ENTHD1: variants seen among roughly 807,000 people sequenced by gnomAD.
ENTHD1 encodes the protein ENTH domain containing 1, also known as ENTH domain-containing protein 1.
Under a neutral mutation model 39.1 loss-of-function variants are expected in ENTHD1, and 23 were observed. The observed-to-expected ratio is 0.59, with a 90% CI of 0.42 to 0.83. ENTHD1 has a LOEUF of 0.83. Among genes scored for constraint, ENTHD1 ranks in the 40% least tolerant of loss-of-function variants. The pLI is 0.00. For synonymous variants in ENTHD1, 230 were observed against 258.2 expected (o/e 0.89, Z 1.05); for missense variants, 624 against 705.4 (o/e 0.88, Z 1.31).
At chr22:39,745,747 C>T (rs1008119297) in intron 6 of ENTHD1, among the ~76,000 whole-genome samples, 1 of 152,144 alleles carries the variant, frequency 6.6e-6, no homozygotes, top group African/African-American at 2.4e-5. Context: ...GTTTTGAGAA[C>T]CTGCATGTCT....
intron 5 of ENTHD1, among the ~76,000 whole-genome samples, chr22:39,819,289 C>T (rs947711497): frequency 2.7e-4 from 41 of 151,806 alleles, no homozygotes; most frequent in Admixed American, 2.4e-3. Context: ...CGCTTGAACC[C>T]GGGAGGTGGA....
intron 6 of ENTHD1, chr22:39,750,314 C>T (rs1285899508): frequency 5.7e-6 from 1 of 175,162 alleles, no homozygotes; most frequent in Non-Finnish European, 1.3e-5. Flanking sequence ...GTTGTTTTGT[C>T]TTTTGCTGAT....
intron 2 of ENTHD1, among the ~76,000 whole-genome samples, chr22:39,866,627 C>T (rs143438576): frequency 6.6e-6 from 1 of 152,304 alleles, no homozygotes; most frequent in East Asian, 1.9e-4. Context: ...GAAAGCCTTC[C>T]ACGGACAGTG....
intron 6 of ENTHD1, among the ~76,000 whole-genome samples, chr22:39,745,424 A>G (rs1325572150): frequency 3.3e-5 from 5 of 152,222 alleles, no homozygotes. Flanking sequence ...CTTCTAAACT[A>G]AATTGGACCT....
intron 1 of ENTHD1, 111 bp from the exon 2 acceptor site, chr22:39,888,014 C>T: frequency 2.9e-6 from 1 of 350,374 alleles, no homozygotes; most frequent in Non-Finnish European, 5.1e-6. Context: ...TCACTTACAG[C>T]AGCCAGAATT....
chr22:39,780,175 A>G (rs2065397102), intron 5 of ENTHD1, among the ~76,000 whole-genome samples: 1 of 152,078 alleles, frequency 6.6e-6, no homozygotes, highest in Non-Finnish European at 1.5e-5. Context: ...GGAGTTCGAG[A>G]CCAGCCTGGC....
At chr22:39,886,409 CAAT>C (rs2066379588) in intron 2 of ENTHD1, among the ~76,000 whole-genome samples, 1 of 152,108 alleles carries the variant, frequency 6.6e-6, no homozygotes, top group Non-Finnish European at 1.5e-5. Flanking sequence ...CTTTCATTAA[CAAT>C]AATGTATCAG....
chr22:39,769,867 C>T (rs1267345251), intron 5 of ENTHD1, among the ~76,000 whole-genome samples: 1 of 152,130 alleles, frequency 6.6e-6, no homozygotes, highest in African/African-American at 2.4e-5. Flanking sequence ...GGAGTAGAAG[C>T]AGCAAAACCT....
chr22:39,864,577 C>T (rs1434366049), intron 2 of ENTHD1, among the ~76,000 whole-genome samples: 5 of 152,158 alleles, frequency 3.3e-5, no homozygotes, highest in African/African-American at 1.2e-4. Context: ...AGAGAAGTCT[C>T]ATTTTAGACA....
intron 5 of ENTHD1, among the ~76,000 whole-genome samples, chr22:39,782,098 C>T (rs1465507186): frequency 6.6e-6 from 1 of 152,024 alleles, no homozygotes; most frequent in East Asian, 1.9e-4. Flanking sequence ...ACTAGTCTGG[C>T]CAACATGGCG....
intron 5 of ENTHD1, among the ~76,000 whole-genome samples, chr22:39,771,148 T>A (rs1158653386): frequency 6.6e-6 from 1 of 152,188 alleles, no homozygotes; most frequent in African/African-American, 2.4e-5. Flanking sequence ...GTGTATTGTA[T>A]CATATTTTTG....
intron 6 of ENTHD1, among the ~76,000 whole-genome samples, chr22:39,749,962 G>A (rs1235340974): frequency 6.6e-6 from 1 of 152,192 alleles, no homozygotes; most frequent in Non-Finnish European, 1.5e-5. Context: ...CCTGGACCAG[G>A]ATCAGTGCCT....
intron 5 of ENTHD1, among the ~76,000 whole-genome samples, chr22:39,767,150 A>AT (rs1469312402): frequency 6.6e-6 from 1 of 152,198 alleles, no homozygotes; most frequent in East Asian, 1.9e-4. Context: ...ATGAATGCTC[A>AT]TTGGGTGCAA....
chr22:39,884,768 T>A (rs755777374), intron 2 of ENTHD1, among the ~76,000 whole-genome samples: 1 of 152,130 alleles, frequency 6.6e-6, no homozygotes, highest in Non-Finnish European at 1.5e-5. Context: ...AGGGAAAAAA[T>A]GGTCTTTTCG....
chr22:39,846,565 C>T (rs1457371429), intron 3 of ENTHD1, among the ~76,000 whole-genome samples: 2 of 152,082 alleles, frequency 1.3e-5, no homozygotes, highest in Admixed American at 6.5e-5. Context: ...CTTGCCCATG[C>T]CTATGTCCTG....
intron 5 of ENTHD1, among the ~76,000 whole-genome samples, chr22:39,806,712 G>A (rs1017366692): frequency 1.2e-4 from 19 of 152,054 alleles, no homozygotes; most frequent in African/African-American, 2.9e-4. Context: ...CAGCAGAATC[G>A]GCACCAGATC....
At chr22:39,805,546 C>T (rs2065633773) in intron 5 of ENTHD1, among the ~76,000 whole-genome samples, 1 of 152,134 alleles carries the variant, frequency 6.6e-6, no homozygotes, top group Non-Finnish European at 1.5e-5. Flanking sequence ...AACACAGCTG[C>T]ACAATTAAAA....
chr22:39,767,466 A>G (rs2065285956), intron 5 of ENTHD1, among the ~76,000 whole-genome samples: 5 of 152,056 alleles, frequency 3.3e-5, no homozygotes, highest in Admixed American at 2.0e-4. Context: ...TCTATGAAAA[A>G]CAAAACAAAA....
At chr22:39,875,677 C>T in intron 2 of ENTHD1, 1 of 1,612,070 alleles carries the variant, frequency 6.2e-7, no homozygotes, top group Non-Finnish European at 8.5e-7. Context: ...CATATGCTGC[C>T]AAGAATGCCG....
Sources: gnomAD v4.1 joint callset for allele counts (sites outside exome capture counted in the v4.1 genomes callset) on GRCh38, gnomAD v4.1.1 for gene constraint, MANE v1.5 for transcripts, NCBI Gene and HGNC (gene_info 2026-07-23, HGNC 2026-07-21) for gene names.